C6orf62: variants seen among roughly 807,000 people sequenced by gnomAD.
C6orf62 encodes the protein uncharacterized protein C6orf62.
C6orf62 carries 16 observed loss-of-function variants against 26.8 expected under a neutral mutation model. The ratio of observed to expected loss-of-function variants is 0.60; its 90% CI spans 0.40 to 0.91. The LOEUF (loss-of-function observed/expected upper bound fraction) is 0.91. Among genes scored for constraint, C6orf62 ranks in the 40% least tolerant of loss-of-function variants. The pLI is 0.00. For synonymous variants in C6orf62, 112 were observed against 91.5 expected (o/e 1.22, Z -1.28); for missense variants, 192 against 271.4 (o/e 0.71, Z 2.06).
intron 2 of C6orf62, among the ~76,000 whole-genome samples, chr6:24,714,701 C>T (rs989878785): frequency 4.6e-5 from 7 of 152,266 alleles, no homozygotes; most frequent in Admixed American, 2.0e-4. Flanking sequence ...CTGCAAATTC[C>T]GCCTACCAGG....
At chr6:24,713,960 C>T (rs1186902680) in intron 3 of C6orf62, among the ~76,000 whole-genome samples, 4 of 152,120 alleles carry the variant, frequency 2.6e-5, no homozygotes, top group Admixed American at 2.0e-4. Flanking sequence ...GATCACATTC[C>T]TTTGGGAAGC....
upstream of C6orf62, chr6:24,720,184 C>G (rs921109663): frequency 1.4e-4 from 195 of 1,363,782 alleles, no homozygotes; most frequent in Non-Finnish European, 1.8e-4. Context: ...GGGAAATCCC[C>G]TCCCTGTCCC....
chr6:24,709,352 T>C lies in C6orf62; in HGVS notation c.430-441A>G, dbSNP rs1031960507. ...GTCCAAGACTCCCACCATAGTACTTTAAGCCCCAAGGACATCTCTTTTCTT... is the reference window on the plus strand; with the variant it reads ...GTCCAAGACTCCCACCATAGTACTTCAAGCCCCAAGGACATCTCTTTTCTT... On this transcript the variant is annotated intron_variant, in intron 3 of 4. Coordinates refer to ENST00000378119, the MANE Select transcript of C6orf62 (RefSeq NM_030939.5). 22 of 985,254 alleles carry C rather than the reference T, an allele frequency of 2.2e-5. No homozygotes were observed. In the South Asian group the frequency reaches 6.1e-4, roughly 27 times the overall value. The allele number at this position is 985,254 out of a possible 1,614,324, so 61.0% of individuals were successfully genotyped here.
intron 3 of C6orf62, chr6:24,709,201 C>T: frequency 2.0e-6 from 2 of 983,302 alleles, no homozygotes; most frequent in Non-Finnish European, 2.4e-6. Flanking sequence ...AGAACATTTC[C>T]TTAATTGTAG....
At position 24,710,170 on chromosome 6, in the gene C6orf62, A is replaced by T. The variant is rs934671670; in HGVS notation, c.430-1259T>A. ...AGGTTACTTCAGCCTTAAGGGGCTT[A>T]TTATACTGCTGAAGAGGACAAGTAC... On this transcript the variant is annotated intron_variant, in intron 3 of 4. Transcript: ENST00000378119. 3.3e-5 allele frequency: 31 copies of T among 935,862 alleles called. No individual in the cohort carries two copies. In the African/African-American group the frequency reaches 4.9e-4, roughly 15 times the overall value. The allele number at this position is 935,862 out of a possible 1,614,324, so 58.0% of individuals were successfully genotyped here. A position where few individuals can be genotyped will look rare whatever the true frequency, so the allele number is the denominator to read the frequency against.
rs1362709940 is a variant in C6orf62, at chr6:24,718,643, T to G, written c.26A>C (p.Lys9Thr). ...AGCACGTAGTCTGTTCAGAGCTTGT[T>G]TCTTCCGGGAGTTTGGGTCCCCCAT... MGDPNSRK[K>T]QALNRLRAQL... The change falls in exon 1 of 5, where the codon AAA becomes ACA. Residue 9 changes from lysine to threonine, a missense_variant. Transcript: ENST00000378119. 3.1e-6 allele frequency: 5 copies of G among 1,613,876 alleles called. No homozygotes were observed. Among genetic ancestry groups the G allele is most frequent in the Admixed American group, 1.7e-5 (1 of 59,970 alleles).
chr6:24,711,486 A>G (rs1446223062), intron 3 of C6orf62, among the ~76,000 whole-genome samples: 1 of 152,064 alleles, frequency 6.6e-6, no homozygotes, highest in Non-Finnish European at 1.5e-5. Flanking sequence ...CACTACCCAT[A>G]TATTCAGGTT....
In C6orf62 at chr6:24,706,161, G is replaced by A; in HGVS notation, c.666C>T (p.His222=). Residue 222 remains histidine (H), a synonymous_variant, in exon 5 of 5, where the codon CAC becomes CAT. Coordinates refer to ENST00000378119, the MANE Select transcript of C6orf62 (RefSeq NM_030939.5). ...THWAVGTIED[H]LRPYMPE ...TCTACTCTGGCATATAAGGACGGAG[G>A]TGATCCTCTATGGTGCCAACTGCCC... 6.2e-7 allele frequency: 1 copy of A among 1,614,228 alleles called. No homozygotes were observed. The highest frequency in any genetic ancestry group is 8.5e-7 in the Non-Finnish European group (1 of 1,180,036).
At chr6:24,706,885 G>C (rs564368442) in intron 4 of C6orf62, 1 of 152,350 alleles carries the variant, frequency 6.6e-6, no homozygotes, top group African/African-American at 2.4e-5. Context: ...ACTCCAGCGT[G>C]GTGACAGAGT....
chr6:24,719,362 A>AT (rs1307479005), upstream of C6orf62: 1 of 1,004,054 alleles, frequency 1.0e-6, no homozygotes, highest in Non-Finnish European at 1.2e-6. Flanking sequence ...AGCATAGAGA[A>AT]AAGTGCAAAA....
upstream of C6orf62, chr6:24,720,571 G>A (rs1056615450): frequency 5.3e-6 from 1 of 187,836 alleles, no homozygotes; most frequent in Non-Finnish European, 1.0e-5. Flanking sequence ...GGCGGAGGGG[G>A]AAGGGAAAGG....
upstream of C6orf62, chr6:24,719,747 G>C (rs536908728): frequency 5.2e-6 from 8 of 1,540,152 alleles, no homozygotes; most frequent in African/African-American, 2.7e-5. Context: ...GAGCATTGCC[G>C]AGGCAAAGGT....
chr6:24,712,425 C>T (rs1779139122), intron 3 of C6orf62, among the ~76,000 whole-genome samples: 1 of 151,966 alleles, frequency 6.6e-6, no homozygotes, highest in African/African-American at 2.4e-5. Flanking sequence ...AATCCCAGCA[C>T]TTTGGGAGGC....
rs373243743 is a variant in C6orf62 at position 24,709,713 on chromosome 6, A to T, written c.430-802T>A. 4.6e-4 allele frequency: 458 copies of T among 985,460 alleles called. 1 individual carries two copies. In the African/African-American group the frequency reaches 7.5e-3, roughly 16 times the overall value. The allele number at this position is 985,460 out of a possible 1,614,324, so 61.0% of individuals were successfully genotyped here. ...TCAATTAAGTCAGAACACTCCCTTC[A>T]ATCTTTTAACATGAGGAAGATCAAC... On this transcript the variant is annotated intron_variant, in intron 3 of 4. Transcript: ENST00000378119.
intron 3 of C6orf62, chr6:24,709,294 A>C (rs1022929798): frequency 1.0e-6 from 1 of 985,266 alleles, no homozygotes; most frequent in Non-Finnish European, 1.2e-6. Flanking sequence ...CTAGTACTCC[A>C]CGATCATAAA....
At chr6:24,715,183 C>T (rs1779197353) in intron 2 of C6orf62, among the ~76,000 whole-genome samples, 1 of 152,200 alleles carries the variant, frequency 6.6e-6, no homozygotes, top group African/African-American at 2.4e-5. Flanking sequence ...CCATTCCTGA[C>T]TTCTGCTTCA....
At chr6:24,708,637 C>G (rs951536305) in intron 4 of C6orf62, 140 bp downstream of exon 4, 1 of 1,148,558 alleles carries the variant, frequency 8.7e-7, no homozygotes, top group South Asian at 1.3e-5. Context: ...CATGCCCAGC[C>G]TATTTTTTGC....
Position 24,718,978 on chromosome 6 carries a change from T to G in C6orf62, c.-310A>C, listed in dbSNP as rs1000786384. 5.2e-6 allele frequency: 6 copies of G among 1,154,734 alleles called. No individual in the cohort carries two copies. Among genetic ancestry groups the G allele is most frequent in the Non-Finnish European group, 6.4e-6 (6 of 933,894 alleles). The allele number at this position is 1,154,734 out of a possible 1,614,324, so 71.5% of individuals were successfully genotyped here. Reference sequence around the variant, plus strand: ...ATAACTAACTTTCTGGAAAACACATTTGGCTTAACTGCCAAAATAAAGGCT... The same window carrying G: ...ATAACTAACTTTCTGGAAAACACATGTGGCTTAACTGCCAAAATAAAGGCT... On this transcript the variant is annotated 5_prime_UTR_variant, in exon 1 of 5. Transcript: ENST00000378119.
At position 24,706,050 on chromosome 6, in the gene C6orf62, A is replaced by T. The variant is rs115365615; in HGVS notation, c.*87T>A. ...TTCTGTGCATGAGTCCATTTTCTTT[A>T]AACTCTGAAAGAATAAAGTGGTAAG... On this transcript the variant is annotated 3_prime_UTR_variant, in exon 5 of 5. Transcript: ENST00000378119. 1.2e-3 allele frequency: 1,911 copies of T among 1,537,018 alleles called. 18 individuals are homozygous for T. The African/African-American group carries it at 0.024, about 19-fold the overall frequency.
Sources: gnomAD v4.1 joint callset for allele counts (sites outside exome capture counted in the v4.1 genomes callset) on GRCh38, gnomAD v4.1.1 for gene constraint, MANE v1.5 for transcripts, NCBI Gene and HGNC (gene_info 2026-07-23, HGNC 2026-07-21) for gene names.